AKAP13: variants seen among roughly 807,000 people sequenced by gnomAD.
The protein encoded by AKAP13 is A-kinase anchoring protein 13.
Under a neutral mutation model 264.5 loss-of-function variants are expected in AKAP13, and 80 were observed. The observed-to-expected ratio is 0.30, with a 90% CI of 0.25 to 0.36. The LOEUF (loss-of-function observed/expected upper bound fraction) is 0.36. Among genes scored for constraint, AKAP13 ranks in the 10% least tolerant of loss-of-function variants. The probability of loss-of-function intolerance (pLI) is 1.00; values close to 1 mark genes in which losing one functional copy is unlikely to be tolerated. For missense variants in AKAP13, 3,712 were observed against 3,435.2 expected, an observed-to-expected ratio of 1.08 and a Z score of -2.01; for synonymous variants, 1,380 against 1,250.2, an observed-to-expected ratio of 1.10 and a Z score of -2.19.
chr15:85,543,846 C>G lies in AKAP13; in HGVS notation c.553C>G (p.Gln185Glu), dbSNP rs762450901. 7.4e-6 allele frequency: 12 copies of G among 1,614,110 alleles called. No homozygotes were observed. Among genetic ancestry groups the G allele is most frequent in the Middle Eastern group, 1.6e-4 (1 of 6,062 alleles). The change falls in exon 5 of 37, where the codon CAG (glutamine) becomes GAG (glutamate). Residue 185 changes from glutamine (Q) to glutamate (E), a missense_variant. Physicochemically the swap from Gln to Glu is conservative, Grantham distance 29. Transcript: ENST00000394518. ...GLLRLTWFLL[Q>E]KPGGRGALSI... ...GCTGAGGTTGACGTGGTTCCTGTTG[C>G]AGAAGCCAGGTGGCCGCGGAGCTCT...
At position 85,479,010 on chromosome 15, in the gene AKAP13, C is replaced by T. The variant is rs141949141; in HGVS notation, c.-11-6700C>T. Among the ~76,000 whole-genome samples, 20 of 152,308 alleles carry T rather than the reference C, an allele frequency of 1.3e-4. 1 individual carries two copies. The highest frequency in any genetic ancestry group is 4.8e-4 in the African/African-American group (20 of 41,574). On this transcript the variant is annotated intron_variant, in intron 1 of 36. Coordinates refer to ENST00000394518, the MANE Select transcript of AKAP13 (RefSeq NM_007200.5). ...TTCAAGAATCGCTGCTTAAAACTAA[C>T]TGCTCAATTATTAATGTAGCTGCAA... is the stretch of plus-strand genomic sequence containing the variant.
chr15:85,658,668 C>T (rs1394605194), intron 12 of AKAP13, 78 bp downstream of exon 12: 28 of 1,288,384 alleles, frequency 2.2e-5, no homozygotes, highest in African/African-American at 4.4e-5. Context: ...TCTGCTTAAT[C>T]CATGATTGGA....
chr15:85,429,886 C>A (rs2072952069), intron 1 of AKAP13, among the ~76,000 whole-genome samples: 1 of 152,118 alleles, frequency 6.6e-6, no homozygotes, highest in African/African-American at 2.4e-5. Context: ...TTTGAATATT[C>A]CCTTGCATTT....
At chr15:85,398,342 G>C (rs879020546) in intron 1 of AKAP13, among the ~76,000 whole-genome samples, 10 of 151,972 alleles carry the variant, frequency 6.6e-5, no homozygotes, top group Admixed American at 2.6e-4. Flanking sequence ...AGAAATTTAG[G>C]AACTATAGTC....
At chr15:85,414,965 G>T (rs1025829378) in intron 1 of AKAP13, among the ~76,000 whole-genome samples, 34 of 152,180 alleles carry the variant, frequency 2.2e-4, no homozygotes, top group African/African-American at 7.7e-4. Flanking sequence ...AATCACCTAA[G>T]TGTAACTTCA....
chr15:85,719,293 C>T lies in AKAP13; in HGVS notation c.6219C>T (p.Leu2073=). Residue 2073 remains leucine, a synonymous_variant, in exon 23 of 37, where the codon CTC becomes CTT. Transcript: ENST00000394518. ...TGGATAAAAGTGAAAAGAACTTTCT[C>T]ATCAAGAGGATAGGGGATGTGCTTG... ...SLVDKSEKNF[L]IKRIGDVLVN... is the part of the protein sequence containing the mutation. The T allele has an allele frequency of 6.2e-7, 1 of 1,614,140 alleles. No homozygotes were observed. Among genetic ancestry groups the T allele is most frequent in the African/African-American group, 1.3e-5 (1 of 75,050 alleles).
chr15:85,625,998 C>T (rs1567162280), intron 8 of AKAP13, among the ~76,000 whole-genome samples: 1 of 152,236 alleles, frequency 6.6e-6, no homozygotes, highest in Non-Finnish European at 1.5e-5. Context: ...ATATTCTTCA[C>T]ACATGAATAT....
intron 8 of AKAP13, among the ~76,000 whole-genome samples, chr15:85,601,310 C>T (rs2080058245): frequency 6.6e-6 from 1 of 152,136 alleles, no homozygotes; most frequent in East Asian, 1.9e-4. Flanking sequence ...AAAGTCTTTT[C>T]CTAAATAATT....
intron 8 of AKAP13, among the ~76,000 whole-genome samples, chr15:85,629,943 C>G (rs543447026): frequency 4.0e-5 from 6 of 151,716 alleles, no homozygotes; most frequent in Non-Finnish European, 5.9e-5. Flanking sequence ...CCATGTCCAG[C>G]TAATTTTTGT....
At chr15:85,442,451 CATATA>C (rs2073705049) in intron 1 of AKAP13, among the ~76,000 whole-genome samples, 1 of 111,592 alleles carries the variant, frequency 9.0e-6, no homozygotes, top group Non-Finnish European at 1.8e-5. Flanking sequence ...ATAAAATATA[CATATA>C]TAATATACAT....
chr15:85,460,338 C>T (rs1003939304), intron 1 of AKAP13, among the ~76,000 whole-genome samples: 3 of 152,184 alleles, frequency 2.0e-5, no homozygotes, highest in Non-Finnish European at 2.9e-5. Flanking sequence ...GTACACAGCC[C>T]CCGATACAGC....
At chr15:85,582,706 A>G (rs1425618765) in intron 7 of AKAP13, among the ~76,000 whole-genome samples, 3 of 148,100 alleles carry the variant, frequency 2.0e-5, no homozygotes, top group Non-Finnish European at 4.5e-5. Flanking sequence ...TTGACGGGGA[A>G]CTCCTTCCTT....
At chr15:85,731,063 G>A (rs2087978277) in intron 30 of AKAP13, among the ~76,000 whole-genome samples, 1 of 135,610 alleles carries the variant, frequency 7.4e-6, no homozygotes, top group Non-Finnish European at 1.5e-5. Context: ...GGAGTGCAGT[G>A]GTGCAACCTC....
Position 85,724,838 on chromosome 15 carries a change from G to A in AKAP13, c.6745+1518G>A, listed in dbSNP as rs1597184096. 6.7e-6 allele frequency among the ~76,000 whole-genome samples: 1 copy of A among 148,354 alleles called. No individual in the cohort carries two copies. The highest frequency in any genetic ancestry group is 6.7e-5 in the Admixed American group (1 of 14,888). ...GCATTGTAGCAGAAGGCATAAAAAA[G>A]AAGGGCAGAAAAGATTCAGAGAAAG... On this transcript the variant is annotated intron_variant, in intron 26 of 36. Coordinates refer to ENST00000394518, the MANE Select transcript of AKAP13 (RefSeq NM_007200.5). This position sits in a 1 kb window ranked among gnomAD's most constrained non-coding sequence, Gnocchi z 4.2.
chr15:85,716,214 C>G (rs1172643675), intron 20 of AKAP13, among the ~76,000 whole-genome samples: 1 of 151,918 alleles, frequency 6.6e-6, no homozygotes, highest in Admixed American at 6.6e-5. Flanking sequence ...TTTTTTAGAT[C>G]AAAATAAGTA....
chr15:85,427,197 C>A (rs527879494), intron 1 of AKAP13, among the ~76,000 whole-genome samples: 1 of 152,082 alleles, frequency 6.6e-6, no homozygotes, highest in South Asian at 2.1e-4. Context: ...CCTTGTGATC[C>A]GCCCGCCTCG....
intron 5 of AKAP13, among the ~76,000 whole-genome samples, chr15:85,571,398 C>T (rs568930685): frequency 1.3e-5 from 2 of 152,236 alleles, no homozygotes; most frequent in Admixed American, 6.5e-5. Flanking sequence ...TACCAATCAG[C>T]GCTTCAGTTA....
chr15:85,569,397 G>A (rs1039918338), intron 5 of AKAP13, among the ~76,000 whole-genome samples: 2 of 151,656 alleles, frequency 1.3e-5, no homozygotes, highest in Non-Finnish European at 2.9e-5. Flanking sequence ...TTTGTGGATG[G>A]CAAATAAGAA....
At chr15:85,495,843 G>A (rs2075855433) in intron 2 of AKAP13, among the ~76,000 whole-genome samples, 1 of 152,110 alleles carries the variant, frequency 6.6e-6, no homozygotes. Context: ...GCTTCTGGGA[G>A]GAGGCAAAAC....
Sources: gnomAD v4.1 joint callset for allele counts (sites outside exome capture counted in the v4.1 genomes callset) on GRCh38, gnomAD v4.1.1 for gene constraint, Gnocchi (gnomAD v3.1) non-coding constraint, MANE v1.5 for transcripts, NCBI Gene and HGNC (gene_info 2026-07-23, HGNC 2026-07-21) for gene names.